OTUD3: variants seen among roughly 807,000 people sequenced by gnomAD.
OTUD3 encodes OTU domain-containing protein 3.
OTUD3 carries 24 observed loss-of-function variants against 46.2 expected under a neutral mutation model. The ratio of observed to expected loss-of-function variants is 0.52; its 90% CI spans 0.38 to 0.73. The LOEUF is 0.73. OTUD3 is among the 30% of genes least tolerant of loss of function. OTUD3 has a pLI of 0.00. For synonymous variants in OTUD3, 189 were observed against 195.4 expected (o/e 0.97, Z 0.27); for missense variants, 455 against 523.3 (o/e 0.87, Z 1.27).
chr1:19,895,626 G>A (rs1469280067), intron 3 of OTUD3, among the ~76,000 whole-genome samples: 2 of 152,222 alleles, frequency 1.3e-5, no homozygotes, highest in African/African-American at 4.8e-5. Flanking sequence ...TATGGGGATA[G>A]AAGGAGCAGG....
At chr1:19,904,217 CAT>C in intron 4 of OTUD3, 48 bp from the exon 5 acceptor site, 1 of 1,458,138 alleles carries the variant, frequency 6.9e-7, no homozygotes, top group Non-Finnish European at 9.3e-7. Flanking sequence ...AGATTCTGAA[CAT>C]AGTTTGATTC....
At chr1:19,897,412 G>T (rs1188631347) in intron 3 of OTUD3, 128 bp from the exon 4 acceptor site, 10 of 816,300 alleles carry the variant, frequency 1.2e-5, no homozygotes, top group Non-Finnish European at 1.7e-5. Context: ...ACATATCCCA[G>T]GTGTGTTCCC....
chr1:19,907,574 C>T lies in OTUD3; in HGVS notation c.1025C>T (p.Thr342Ile). 4 of 1,613,224 alleles carry T rather than the reference C, an allele frequency of 2.5e-6. No homozygotes were observed. The highest frequency in any genetic ancestry group is 1.1e-5 in the South Asian group (1 of 91,030). ...KANKNQLAKVTNKQRREQQWM... is the reference protein window; with the variant it reads ...KANKNQLAKVINKQRREQQWM... ...CACCATGGCCTTCTCTCTCAGGTCACAAACAAACAGAGGCGAGAACAGCAG... is the reference window on the plus strand; with the variant it reads ...CACCATGGCCTTCTCTCTCAGGTCATAAACAAACAGAGGCGAGAACAGCAG... Residue 342 changes from threonine to isoleucine, a missense_variant, in exon 8 of 8, where the codon ACA becomes ATA. Thr to Ile is a moderately conservative substitution (Grantham distance 89, BLOSUM62 -1). Transcript: ENST00000375120.
intron 4 of OTUD3, among the ~76,000 whole-genome samples, chr1:19,898,757 C>T (rs574976269): frequency 9.2e-5 from 14 of 151,900 alleles, no homozygotes; most frequent in African/African-American, 3.4e-4. Context: ...AGCATTATTG[C>T]ATAAACCTTT....
Position 19,911,525 on chromosome 1 carries a change from G to T in OTUD3, c.*3779G>T, listed in dbSNP as rs1301416753. ...CTGCCTCAGCCTCCTGAGTAGCTGG[G>T]ATTACAGGTGTGTGCCACCATGCTT... is the stretch of plus-strand genomic sequence containing the variant. On this transcript the variant is annotated 3_prime_UTR_variant, in exon 8 of 8. Transcript: ENST00000375120. 1.3e-5 allele frequency: 2 copies of T among 151,892 alleles called. No homozygotes were observed. Among genetic ancestry groups the T allele is most frequent in the African/African-American group, 2.4e-5 (1 of 41,300 alleles). 9.4% of individuals were successfully genotyped at this position (151,892 alleles called of 1,614,324 possible). A position where few individuals can be genotyped will look rare whatever the true frequency, so the allele number is the denominator to read the frequency against.
At chr1:19,883,480 A>G (rs1057275447) in intron 1 of OTUD3, among the ~76,000 whole-genome samples, 1 of 152,204 alleles carries the variant, frequency 6.6e-6, no homozygotes, top group Non-Finnish European at 1.5e-5. Context: ...TCCCCATTGC[A>G]GGGGCAGGTA....
intron 1 of OTUD3, among the ~76,000 whole-genome samples, chr1:19,887,588 C>T (rs570290027): frequency 3.3e-5 from 5 of 152,228 alleles, no homozygotes; most frequent in South Asian, 2.1e-4. Flanking sequence ...AGTCTACCTC[C>T]GTAGAGCTAA....
rs1314529050 is a variant in OTUD3 at position 19,911,239 on chromosome 1, C to T, written c.*3493C>T. 1 of 152,318 alleles carries T rather than the reference C, an allele frequency of 6.6e-6. No individual in the cohort carries two copies. The highest frequency in any genetic ancestry group is 1.5e-5 in the Non-Finnish European group (1 of 68,046). The allele number at this position is 152,318 out of a possible 1,614,324, so 9.4% of individuals were successfully genotyped here. A position where few individuals can be genotyped will look rare whatever the true frequency, so the allele number is the denominator to read the frequency against. ...TCTAGCCATGTTAAATCTTTAGACT[C>T]AGTCTGATGCCGTTTTTCTGTTTTG... On this transcript the variant is annotated 3_prime_UTR_variant, in exon 8 of 8. Transcript: ENST00000375120.
chr1:19,897,459 C>A, intron 3 of OTUD3, 81 bp from the exon 4 acceptor site: 1 of 1,480,670 alleles, frequency 6.8e-7, no homozygotes, highest in Non-Finnish European at 9.3e-7. Flanking sequence ...TGGGCTTCCT[C>A]AGCAGTCCAG....
At chr1:19,904,821 A>G (rs1169917975) in intron 5 of OTUD3, 70 bp from the exon 6 acceptor site, 3 of 740,256 alleles carry the variant, frequency 4.1e-6, no homozygotes, top group African/African-American at 3.5e-5. Flanking sequence ...TGATTATTGA[A>G]GTAGAGCTAG....
intron 4 of OTUD3, 22 bp from the exon 5 acceptor site, chr1:19,904,245 G>T: frequency 6.4e-7 from 1 of 1,569,498 alleles, no homozygotes; most frequent in Admixed American, 1.9e-5. Flanking sequence ...ATAGTTCCCT[G>T]ATTATTACTT....
At chr1:19,892,431 G>A (rs753661025) in intron 2 of OTUD3, among the ~76,000 whole-genome samples, 4 of 152,116 alleles carry the variant, frequency 2.6e-5, no homozygotes, top group East Asian at 3.8e-4. Context: ...GGCAGTGCCC[G>A]GCATCTGGTA....
intron 1 of OTUD3, among the ~76,000 whole-genome samples, chr1:19,885,036 A>G (rs1012343563): frequency 2.0e-5 from 3 of 152,176 alleles, no homozygotes; most frequent in East Asian, 1.9e-4. Flanking sequence ...TGAAGGACCA[A>G]TAGGAGTACA....
chr1:19,882,625 C>A lies in OTUD3; in HGVS notation c.112C>A (p.Arg38=), dbSNP rs1400219569. 6.9e-7 allele frequency: 1 copy of A among 1,458,838 alleles called. No homozygotes were observed. Among genetic ancestry groups the A allele is most frequent in the Non-Finnish European group, 9.0e-7 (1 of 1,107,888 alleles). The allele number at this position is 1,458,838 out of a possible 1,614,324, so 90.4% of individuals were successfully genotyped here. ...AARRALAKER[R]NRPESGGGGG... ...GCGCCGGGCCCTGGCCAAGGAGCGG[C>A]GGAATCGGCCGGAGTCTGGCGGCGG... Residue 38 remains arginine, a synonymous_variant, in exon 1 of 8, where the codon CGG becomes AGG. Coordinates refer to ENST00000375120, the MANE Select transcript of OTUD3 (RefSeq NM_015207.2).
rs902480428 is a variant in OTUD3 at position 19,903,138 on chromosome 1, C to T, written c.607-1129C>T. On this transcript the variant is annotated intron_variant, in intron 4 of 7. Transcript: ENST00000375120. ...TCTCGGCTCACTGCAACCTCCACCTCCTGGGCTCAAGCCATCCTCCCAGCT... is the reference window on the plus strand; with the variant it reads ...TCTCGGCTCACTGCAACCTCCACCTTCTGGGCTCAAGCCATCCTCCCAGCT... Among the ~76,000 whole-genome samples the T allele has an allele frequency of 3.4e-5, 5 of 145,470 alleles. No individual in the cohort carries two copies. In the Middle Eastern group the frequency reaches 0.011, roughly 310 times the overall value.
rs1423055462 is a variant in OTUD3 at position 19,882,548 on chromosome 1, G to A, written c.35G>A (p.Gly12Asp). 12 of 1,350,634 alleles carry A rather than the reference G, an allele frequency of 8.9e-6. No individual in the cohort carries two copies. The highest frequency in any genetic ancestry group is 1.1e-5 in the Non-Finnish European group (12 of 1,059,644). 83.7% of individuals were successfully genotyped at this position (1,350,634 alleles called of 1,614,324 possible). ...AAGCAGGCGGCGAAGAGCCGGCCGG[G>A]CAGCGGCAGCCGGAAAGCCGAGGCC... ...SRKQAAKSRP[G>D]SGSRKAEAER... Residue 12 changes from glycine to aspartate, a missense_variant, in exon 1 of 8, where the codon GGC (glycine) becomes GAC (aspartate). By Grantham distance (94) the Gly-to-Asp change is moderately conservative (BLOSUM62 -1). Coordinates refer to ENST00000375120, the MANE Select transcript of OTUD3 (RefSeq NM_015207.2).
chr1:19,882,425 C>T lies in OTUD3; in HGVS notation c.-89C>T. 6 of 1,299,866 alleles carry T rather than the reference C, an allele frequency of 4.6e-6. No homozygotes were observed. The highest frequency in any genetic ancestry group is 5.8e-6 in the Non-Finnish European group (6 of 1,028,130). 80.5% of individuals were successfully genotyped at this position (1,299,866 alleles called of 1,614,324 possible). On this transcript the variant is annotated 5_prime_UTR_variant, in exon 1 of 8. Transcript: ENST00000375120. ...GTAGTCGTCGCCGGGCTCCGTTGCC[C>T]GCGCTGTTTTACCTTCCCAACGCTT...
Position 19,903,670 on chromosome 1 carries a change from G to A in OTUD3, c.607-597G>A, listed in dbSNP as rs573998223. Among the ~76,000 whole-genome samples, 100 of 152,280 alleles carry A rather than the reference G, an allele frequency of 6.6e-4. No individual in the cohort carries two copies. The South Asian group carries it at 0.011, about 17-fold the overall frequency. On this transcript the variant is annotated intron_variant, in intron 4 of 7. Transcript: ENST00000375120. Reference sequence around the variant, plus strand: ...AAGGCCCAGGTTGTAAAGGTCTCATGGATCCCAAGTGAACTGTTGTTTGTG... The same window carrying A: ...AAGGCCCAGGTTGTAAAGGTCTCATAGATCCCAAGTGAACTGTTGTTTGTG...
At chr1:19,904,475 C>A in intron 5 of OTUD3, 77 bp downstream of exon 5, 1 of 1,388,510 alleles carries the variant, frequency 7.2e-7, no homozygotes, top group Non-Finnish European at 9.9e-7. Flanking sequence ...TTTCGTAGCA[C>A]CTCTCTAGCA....
Sources: gnomAD v4.1 joint callset for allele counts (sites outside exome capture counted in the v4.1 genomes callset) on GRCh38, gnomAD v4.1.1 for gene constraint, MANE v1.5 for transcripts, NCBI Gene and HGNC (gene_info 2026-07-23, HGNC 2026-07-21) for gene names.